LYPD6: variants seen among roughly 807,000 people sequenced by gnomAD.
LYPD6 encodes LY6/PLAUR domain containing 6.
LYPD6 carries 15 observed loss-of-function variants against 22.7 expected under a neutral mutation model. The observed-to-expected ratio is 0.66, with a 90% CI of 0.44 to 1.02. The LOEUF is 1.02. LYPD6 is among the 50% of genes least tolerant of loss of function. The probability of loss-of-function intolerance (pLI) is 0.00; values close to 1 mark genes in which losing one functional copy is unlikely to be tolerated. For synonymous variants in LYPD6, 72 were observed against 77.5 expected, an observed-to-expected ratio of 0.93 and a Z score of 0.37; for missense variants, 189 against 208.4, an observed-to-expected ratio of 0.91 and a Z score of 0.57.
chr2:149,385,062 T>C (rs1484120418), intron 1 of LYPD6, among the ~76,000 whole-genome samples: 1 of 152,180 alleles, frequency 6.6e-6, no homozygotes, highest in Non-Finnish European at 1.5e-5. Flanking sequence ...GGCATTTCTC[T>C]ACCTTCAGTA....
chr2:149,365,363 G>C (rs1681640405), intron 1 of LYPD6, among the ~76,000 whole-genome samples: 1 of 152,182 alleles, frequency 6.6e-6, no homozygotes, highest in Admixed American at 6.5e-5. Context: ...TTTCTCTAAG[G>C]TTGTGCAACT....
intron 1 of LYPD6, among the ~76,000 whole-genome samples, chr2:149,430,377 G>C (rs1683286482): frequency 6.6e-6 from 1 of 152,174 alleles, no homozygotes; most frequent in South Asian, 2.1e-4. Context: ...TGGGATTACA[G>C]GCGTGAGCTG....
At chr2:149,348,404 G>A (rs1269672639) in intron 1 of LYPD6, among the ~76,000 whole-genome samples, 1 of 152,186 alleles carries the variant, frequency 6.6e-6, no homozygotes, top group African/African-American at 2.4e-5. Flanking sequence ...GTGGGTGGGA[G>A]GCAGCTGGTA....
intron 1 of LYPD6, among the ~76,000 whole-genome samples, chr2:149,422,033 G>A (rs757095896): frequency 1.8e-4 from 27 of 152,064 alleles, no homozygotes; most frequent in African/African-American, 6.3e-4. Context: ...ATGCTATGGC[G>A]CCTCTTGGAA....
Position 149,453,280 on chromosome 2 carries a change from CTT to C in LYPD6, c.217+4136_217+4137del, listed in dbSNP as rs1391888445. 2.6e-5 allele frequency among the ~76,000 whole-genome samples: 4 copies of C among 152,146 alleles called. No homozygotes were observed. In the East Asian group the frequency reaches 5.8e-4, roughly 22 times the overall value. On this transcript the variant is annotated intron_variant, in intron 3 of 4. Coordinates refer to ENST00000334166, the MANE Select transcript of LYPD6 (RefSeq NM_194317.5). ...TGCTTGGATCTACGTTTGCCCATGA[CTT>C]TTCTCTGTGCTGCAAGATGAAAAGA...
chr2:149,448,030 A>C (rs1465012555), intron 2 of LYPD6, among the ~76,000 whole-genome samples: 1 of 152,228 alleles, frequency 6.6e-6, no homozygotes, highest in Non-Finnish European at 1.5e-5. Context: ...GTGGTGGCTC[A>C]TACCTGTAAT....
intron 3 of LYPD6, among the ~76,000 whole-genome samples, chr2:149,467,284 G>T (rs1681221726): frequency 6.6e-6 from 1 of 152,176 alleles, no homozygotes; most frequent in East Asian, 1.9e-4. Context: ...ATGCAGTGTG[G>T]GACAGCATTT....
intron 1 of LYPD6, among the ~76,000 whole-genome samples, chr2:149,358,314 C>T (rs973875466): frequency 1.3e-5 from 2 of 152,106 alleles, no homozygotes; most frequent in African/African-American, 2.4e-5. Flanking sequence ...CTAAAACATA[C>T]TAGGGACGTA....
downstream of LYPD6, among the ~76,000 whole-genome samples, chr2:149,478,926 C>A (rs1027197685): frequency 6.6e-6 from 1 of 152,144 alleles, no homozygotes; most frequent in Admixed American, 6.5e-5. Flanking sequence ...TTGACCTAAA[C>A]CCTAATTCTC....
intron 1 of LYPD6, among the ~76,000 whole-genome samples, chr2:149,417,277 C>T (rs907907359): frequency 2.0e-5 from 3 of 152,302 alleles, no homozygotes; most frequent in Non-Finnish European, 2.9e-5. Flanking sequence ...CACTGGGGCT[C>T]GCCATAAGCT....
chr2:149,376,716 C>A (rs1681930205), intron 1 of LYPD6, among the ~76,000 whole-genome samples: 1 of 152,136 alleles, frequency 6.6e-6, no homozygotes, highest in Admixed American at 6.5e-5. Context: ...TATACAATTT[C>A]TTATCTGGGA....
At chr2:149,383,020 A>G (rs1682102855) in intron 1 of LYPD6, among the ~76,000 whole-genome samples, 1 of 152,154 alleles carries the variant, frequency 6.6e-6, no homozygotes, top group African/African-American at 2.4e-5. Context: ...TGCTTTTTAA[A>G]TAAAACATTT....
intron 1 of LYPD6, among the ~76,000 whole-genome samples, chr2:149,404,231 C>G (rs902359930): frequency 6.6e-6 from 1 of 152,106 alleles, no homozygotes; most frequent in Non-Finnish European, 1.5e-5. Context: ...TTTTTGGTTC[C>G]ATATGAACTT....
At chr2:149,433,790 A>G (rs1683368703) in intron 1 of LYPD6, among the ~76,000 whole-genome samples, 1 of 152,086 alleles carries the variant, frequency 6.6e-6, no homozygotes, top group Non-Finnish European at 1.5e-5. Context: ...GCCCTATGGC[A>G]TTTTCCCCAT....
chr2:149,420,884 C>T (rs1441791031), intron 1 of LYPD6, among the ~76,000 whole-genome samples: 2 of 152,142 alleles, frequency 1.3e-5, no homozygotes, highest in East Asian at 3.9e-4. Context: ...CTGTTTCTTC[C>T]CGCTGGCAAC....
chr2:149,484,803 T>TA, the LYPD6 span, among the ~76,000 whole-genome samples: 119 of 150,774 alleles, frequency 7.9e-4, 1 homozygote, highest in South Asian at 0.011. Flanking sequence ...TAATTTAGGT[T>TA]AAAAAAAAAG....
At chr2:149,385,221 G>A (rs1280228419) in intron 1 of LYPD6, among the ~76,000 whole-genome samples, 1 of 151,982 alleles carries the variant, frequency 6.6e-6, no homozygotes, top group African/African-American at 2.4e-5. Flanking sequence ...GTTCATTAGC[G>A]CCTGATGTAT....
At chr2:149,485,843 C>CATTAAAACACAAAATGTACATGGG in the LYPD6 span, among the ~76,000 whole-genome samples, 3 of 152,106 alleles carry the variant, frequency 2.0e-5, no homozygotes, top group Admixed American at 6.5e-5. Flanking sequence ...ATGGGAAGCA[C>CATTAAAACACAAAATGTACATGGG]AATATGGAGC....
intron 1 of LYPD6, among the ~76,000 whole-genome samples, chr2:149,369,956 G>A (rs994794384): frequency 5.9e-5 from 9 of 152,076 alleles, no homozygotes; most frequent in African/African-American, 9.7e-5. Flanking sequence ...TGAGATTCCC[G>A]AGAAATCAAG....
Sources: gnomAD v4.1 joint callset for allele counts (sites outside exome capture counted in the v4.1 genomes callset) on GRCh38, gnomAD v4.1.1 for gene constraint, MANE v1.5 for transcripts, NCBI Gene and HGNC (gene_info 2026-07-23, HGNC 2026-07-21) for gene names.